The following RCOR1 variants were observed in gnomAD, a reference collection of about 807,000 sequenced individuals.
RCOR1 encodes REST corepressor.
In RCOR1, 12 loss-of-function variants were observed where a neutral mutation model predicts 64.0. The ratio of observed to expected loss-of-function variants is 0.19; its 90% CI spans 0.12 to 0.30. The LOEUF (loss-of-function observed/expected upper bound fraction) is 0.30, where lower values mean the gene tolerates loss of function less well. Ranked by LOEUF, RCOR1 falls within the 10% of genes least tolerant of loss-of-function variation. The pLI, the probability that RCOR1 is intolerant of heterozygous loss-of-function variation, is 1.00. For synonymous variants in RCOR1, 279 were observed against 227.2 expected (o/e 1.23, Z -2.05); for missense variants, 502 against 621.2 (o/e 0.81, Z 2.04).
intron 2 of RCOR1, among the ~76,000 whole-genome samples, chr14:102,675,047 CAAA>C (rs761294133): frequency 1.8e-3 from 116 of 63,392 alleles, no homozygotes; most frequent in East Asian, 9.2e-3. Context: ...GACTCCACCT[CAAA>C]AAAAAAAAAA....
intron 11 of RCOR1, among the ~76,000 whole-genome samples, chr14:102,723,396 AG>A (rs1896200549): frequency 1.3e-5 from 2 of 152,242 alleles, no homozygotes; most frequent in Non-Finnish European, 2.9e-5. Context: ...CACTCCATGC[AG>A]GGCCTCTTTG....
intron 11 of RCOR1, among the ~76,000 whole-genome samples, chr14:102,724,608 C>T (rs1896226449): frequency 6.6e-6 from 1 of 152,238 alleles, no homozygotes. Flanking sequence ...GCTGGGATTA[C>T]AGGCATGAGC....
At chr14:102,623,387 A>ATTATTTAT (rs376556197) in intron 2 of RCOR1, among the ~76,000 whole-genome samples, 2,331 of 124,816 alleles carry the variant, frequency 0.019, 24 homozygotes, top group African/African-American at 0.042. Flanking sequence ...TTATTTATTT[A>ATTATTTAT]TTATTTATTT....
intron 3 of RCOR1, among the ~76,000 whole-genome samples, chr14:102,691,211 T>G (rs1268765189): frequency 6.6e-6 from 1 of 152,156 alleles, no homozygotes; most frequent in Non-Finnish European, 1.5e-5. Flanking sequence ...AGAAGTGTGC[T>G]TAAACAAATA....
intron 2 of RCOR1, among the ~76,000 whole-genome samples, chr14:102,668,833 G>A (rs1003046501): frequency 2.6e-5 from 4 of 152,052 alleles, no homozygotes; most frequent in Admixed American, 6.6e-5. Flanking sequence ...TCTTTGAGGC[G>A]AAAAATTTTT....
intron 2 of RCOR1, among the ~76,000 whole-genome samples, chr14:102,613,882 A>ATT (rs1893689702): frequency 2.2e-5 from 2 of 92,398 alleles, no homozygotes; most frequent in African/African-American, 8.6e-5. Context: ...TGAATTAACT[A>ATT]TTCTTTTTTT....
intron 4 of RCOR1, among the ~76,000 whole-genome samples, chr14:102,706,364 A>G (rs1404967177): frequency 1.3e-5 from 2 of 152,096 alleles, no homozygotes; most frequent in African/African-American, 2.4e-5. Flanking sequence ...TTTTAAAGTG[A>G]AAGGGTGGAA....
intron 3 of RCOR1, among the ~76,000 whole-genome samples, chr14:102,691,283 A>G (rs1362453738): frequency 4.0e-5 from 5 of 126,284 alleles, no homozygotes; most frequent in African/African-American, 1.3e-4. Context: ...TAAAGATGGG[A>G]CCAATAAATA....
chr14:102,729,567 C>T lies in RCOR1; in HGVS notation c.*3061C>T, dbSNP rs1217732636. ...TGCTCACAAACCTCTATTCAACACA[C>T]AAAACAAACATGAAAAGGTAGTTAG... On this transcript the variant is annotated 3_prime_UTR_variant, in exon 12 of 12. Transcript: ENST00000262241. 3.3e-6 allele frequency: 1 copy of T among 302,048 alleles called. No homozygotes were observed. The highest frequency in any genetic ancestry group is 6.0e-6 in the Non-Finnish European group (1 of 165,468). 18.7% of individuals were successfully genotyped at this position (302,048 alleles called of 1,614,324 possible).
intron 2 of RCOR1, among the ~76,000 whole-genome samples, chr14:102,609,875 C>A (rs1192606056): frequency 6.6e-6 from 1 of 151,874 alleles, no homozygotes; most frequent in African/African-American, 2.4e-5. Context: ...TGCAGTGGCT[C>A]ACCCCTGTAA....
At position 102,727,000 on chromosome 14, in the gene RCOR1, G is replaced by A. The variant is rs1236606242; in HGVS notation, c.*494G>A. 2.6e-5 allele frequency: 4 copies of A among 154,444 alleles called. No homozygotes were observed. Among genetic ancestry groups the A allele is most frequent in the South Asian group, 4.1e-4 (2 of 4,932 alleles). The allele number at this position is 154,444 out of a possible 1,614,324, so 9.6% of individuals were successfully genotyped here. On this transcript the variant is annotated 3_prime_UTR_variant, in exon 12 of 12. Transcript: ENST00000262241. ...GAGACAACCACCTAAGTGATAATAC[G>A]CTTTTTTGGAAACTAATATATATTG...
At chr14:102,613,642 G>A (rs1446087216) in intron 2 of RCOR1, among the ~76,000 whole-genome samples, 5 of 150,678 alleles carry the variant, frequency 3.3e-5, no homozygotes, top group South Asian at 2.1e-4. Context: ...CCATGGTCTC[G>A]ATCTCCTGAC....
chr14:102,677,908 AC>A (rs1174809203), intron 2 of RCOR1, among the ~76,000 whole-genome samples: 1 of 151,740 alleles, frequency 6.6e-6, no homozygotes, highest in Admixed American at 6.6e-5. Flanking sequence ...CAGCCTGGGC[AC>A]CATTGAGCAC....
intron 2 of RCOR1, among the ~76,000 whole-genome samples, chr14:102,651,849 T>C (rs1403662950): frequency 1.3e-5 from 2 of 152,124 alleles, no homozygotes; most frequent in Non-Finnish European, 2.9e-5. Context: ...GCTGGGATTA[T>C]AGGCATGAGC....
chr14:102,676,886 C>A (rs1238533553), intron 2 of RCOR1, among the ~76,000 whole-genome samples: 1 of 107,532 alleles, frequency 9.3e-6, no homozygotes, highest in Admixed American at 8.3e-5. Context: ...CTGGACGGGG[C>A]GGCTGGCCGG....
At chr14:102,631,952 C>T (rs1292820272) in intron 2 of RCOR1, among the ~76,000 whole-genome samples, 4 of 151,812 alleles carry the variant, frequency 2.6e-5, no homozygotes, top group Non-Finnish European at 4.4e-5. Context: ...AGACTACAAG[C>T]GTGAGCCACC....
chr14:102,703,632 TG>T (rs1895790841), intron 4 of RCOR1, among the ~76,000 whole-genome samples: 1 of 152,050 alleles, frequency 6.6e-6, no homozygotes, highest in Non-Finnish European at 1.5e-5. Flanking sequence ...AGGGGAGAAA[TG>T]AAGATATTGT....
intron 3 of RCOR1, among the ~76,000 whole-genome samples, chr14:102,696,548 C>G (rs1895652766): frequency 1.3e-5 from 2 of 152,174 alleles, no homozygotes; most frequent in Admixed American, 6.5e-5. Context: ...CTGGCATTTT[C>G]TTGAGCAGCG....
chr14:102,701,478 CTTCTTTTTCTTG>C, intron 4 of RCOR1, 148 bp downstream of exon 4: 1 of 553,006 alleles, frequency 1.8e-6, no homozygotes, highest in Middle Eastern at 4.9e-4. Context: ...AAACTCTGGT[CTTCTTTTTCTTG>C]TTCAAGATGA....
Sources: allele counts gnomAD v4.1 joint callset (sites outside exome capture counted in the v4.1 genomes callset), GRCh38; gene constraint gnomAD v4.1.1; transcripts MANE v1.5; gene names NCBI Gene and HGNC (gene_info 2026-07-23, HGNC 2026-07-21).